ZNF320: variants seen among roughly 807,000 people sequenced by gnomAD.
ZNF320 encodes the protein zinc finger gene 320.
A neutral mutation model predicts 6.8 loss-of-function variants in ZNF320; 2 were observed. That is an observed-to-expected ratio of 0.29 (90% CI 0.12 to 0.93). ZNF320 has a LOEUF of 0.93. ZNF320 is among the 40% of genes least tolerant of loss of function. ZNF320 has a pLI of 0.55. For synonymous variants in ZNF320, 208 were observed against 203.2 expected (o/e 1.02, Z -0.20); for missense variants, 472 against 611.0 (o/e 0.77, Z 2.40).
chr19:52,878,134 A>AATATGTG lies in ZNF320; in HGVS notation c.*2461_*2462insCACATAT. 4.8e-6 allele frequency: 1 copy of AATATGTG among 209,220 alleles called. No individual in the cohort carries two copies. Among genetic ancestry groups the AATATGTG allele is most frequent in the South Asian group, 8.7e-5 (1 of 11,518 alleles). The allele number at this position is 209,220 out of a possible 1,614,324, so 13.0% of individuals were successfully genotyped here. ...AGCATGAATATGTGTGCCATCTCAT[A>AATATGTG]TGCAATTCCTTATAGATCCAGCTTG... On this transcript the variant is annotated 3_prime_UTR_variant, in exon 6 of 6. Coordinates refer to ENST00000682928, the MANE Select transcript of ZNF320 (RefSeq NM_001351774.2).
At chr19:52,862,222 G>A in exon 6 of ZNF320, 1 of 569,854 alleles carries the variant, frequency 1.8e-6, no homozygotes, top group Middle Eastern at 3.2e-4. Context: ...TGGTGAGTAA[G>A]TGGTGATTGC....
Position 52,880,659 on chromosome 19 carries a change from T to C in ZNF320, c.1467A>G (p.Lys489=). Residue 489 remains lysine, a synonymous_variant, in exon 6 of 6, where the codon AAA becomes AAG. Coordinates refer to ENST00000682928, the MANE Select transcript of ZNF320 (RefSeq NM_001351774.2). ...TGAAACAATTGTCTCCAAAAGGAAT[T>C]TTCTGATGTTCTGCAAGGAGTGACC... ...SLRSLLAEHQ[K]IPFGDNCFKC... 6.2e-7 allele frequency: 1 copy of C among 1,613,498 alleles called. No individual in the cohort carries two copies. The highest frequency in any genetic ancestry group is 8.5e-7 in the Non-Finnish European group (1 of 1,179,718).
At position 52,867,760 on chromosome 19, in the gene ZNF320, T is replaced by G. The variant is rs1398412901; in HGVS notation, c.224-3601A>C. 3.9e-5 allele frequency among the ~76,000 whole-genome samples: 6 copies of G among 152,150 alleles called. 1 individual carries two copies. Among genetic ancestry groups the G allele is most frequent in the Admixed American group, 3.3e-4 (5 of 15,276 alleles). On this transcript the variant is annotated intron_variant, in intron 5 of 5. Coordinates refer to the ZNF320 transcript ENST00000673631. ...CCGTGTAGCTGGGATTTCAGGCATG[T>G]GCCACCACACCCAGCTAATTTTTGT...
At chr19:52,862,792 GGT>G in exon 6 of ZNF320, 1 of 352,054 alleles carries the variant, frequency 2.8e-6, no homozygotes. Context: ...TGCATTGCAA[GGT>G]GTGATCTGCA....
chr19:52,875,547 CCT>C (rs2063751175), downstream of ZNF320, among the ~76,000 whole-genome samples: 1 of 152,080 alleles, frequency 6.6e-6, no homozygotes, highest in African/African-American at 2.4e-5. Flanking sequence ...TGAGCAGTAC[CCT>C]CTCCTAAAGG....
At chr19:52,873,225 A>C (rs2063711406), downstream of ZNF320, among the ~76,000 whole-genome samples, 2 of 152,170 alleles carry the variant, frequency 1.3e-5, no homozygotes, top group South Asian at 4.1e-4. Flanking sequence ...GGGACCTGTA[A>C]GGTCTTTCCC....
At position 52,876,561 on chromosome 19, in the gene ZNF320, G is replaced by A. The variant is rs567190195; in HGVS notation, c.*4035C>T. The A allele has an allele frequency of 6.6e-6, 1 of 152,096 alleles. No homozygotes were observed. The highest frequency in any genetic ancestry group is 1.5e-5 in the Non-Finnish European group (1 of 68,010). The allele number at this position is 152,096 out of a possible 1,614,324, so 9.4% of individuals were successfully genotyped here. A position where few individuals can be genotyped will look rare whatever the true frequency, so the allele number is the denominator to read the frequency against. On this transcript the variant is annotated 3_prime_UTR_variant, in exon 6 of 6. Coordinates refer to ENST00000682928, the MANE Select transcript of ZNF320 (RefSeq NM_001351774.2). ...TTGCCCAGCCAGAGTGCAGTTGCAG[G>A]ATCTCAGCTCACTGCAACCTCCGCC...
intron 5 of ZNF320, among the ~76,000 whole-genome samples, chr19:52,866,083 CAT>C (rs1197793112): frequency 4.6e-5 from 3 of 65,028 alleles, no homozygotes; most frequent in African/African-American, 1.5e-4. Flanking sequence ...TATGATTATA[CAT>C]ATATTTATAT....
Position 52,894,234 on chromosome 19 carries a change from G to C in ZNF320, c.-269-378C>G, listed in dbSNP as rs1392963692. Reference sequence around the variant, plus strand: ...ACCTTGTCTCTACTAAAAATACAAAGATTAGCTGGGTGTGGTGGCTGGCTC... The same window carrying C: ...ACCTTGTCTCTACTAAAAATACAAACATTAGCTGGGTGTGGTGGCTGGCTC... On this transcript the variant is annotated intron_variant, in intron 1 of 5. Coordinates refer to ENST00000682928, the MANE Select transcript of ZNF320 (RefSeq NM_001351774.2). 5 of 151,898 alleles carry C rather than the reference G, an allele frequency of 3.3e-5. No individual in the cohort carries two copies. In the East Asian group the frequency reaches 7.8e-4, roughly 24 times the overall value. The allele number at this position is 151,898 out of a possible 1,614,324, so 9.4% of individuals were successfully genotyped here.
At chr19:52,873,373 C>T (rs1251732813), downstream of ZNF320, among the ~76,000 whole-genome samples, 1 of 152,204 alleles carries the variant, frequency 6.6e-6, no homozygotes, top group East Asian at 1.9e-4. Context: ...AATGGCGATG[C>T]CTTTCACAAA....
At chr19:52,890,208 A>G in intron 4 of ZNF320, 33 bp downstream of exon 4, 1 of 1,606,170 alleles carries the variant, frequency 6.2e-7, no homozygotes, top group Non-Finnish European at 8.5e-7. Context: ...GAAAGGAAGG[A>G]GACAGAACAA....
At chr19:52,875,542 A>C (rs2063750902), downstream of ZNF320, among the ~76,000 whole-genome samples, 1 of 152,206 alleles carries the variant, frequency 6.6e-6, no homozygotes, top group Non-Finnish European at 1.5e-5. Flanking sequence ...ACATCTGAGC[A>C]GTACCCTCTC....
At chr19:52,867,345 G>A (rs991135473) in intron 5 of ZNF320, among the ~76,000 whole-genome samples, 2 of 151,826 alleles carry the variant, frequency 1.3e-5, no homozygotes, top group African/African-American at 2.4e-5. Flanking sequence ...TTACCGGTAC[G>A]TGCCACCACC....
rs1568710582 is a variant in ZNF320, at chr19:52,880,553, TAAG to T, written c.*40_*42del. On this transcript the variant is annotated 3_prime_UTR_variant, in exon 6 of 6. Coordinates refer to ENST00000682928, the MANE Select transcript of ZNF320 (RefSeq NM_001351774.2). ...GTCGATTAATGCTTGAAATCAATGT[TAAG>T]TCAACTCAAACTCAGGTCAATGCTG... The T allele has an allele frequency of 6.5e-7, 1 of 1,533,916 alleles. No homozygotes were observed. The highest frequency in any genetic ancestry group is 1.4e-5 in the African/African-American group (1 of 72,624).
chr19:52,887,002 G>GAAGA (rs776616048), intron 5 of ZNF320, among the ~76,000 whole-genome samples: 4 of 78,604 alleles, frequency 5.1e-5, no homozygotes, highest in Non-Finnish European at 1.2e-4. Flanking sequence ...AGGAAGGAAG[G>GAAGA]AAGGAAAAGA....
Position 52,888,148 on chromosome 19 carries a change from A to G in ZNF320, c.121T>C (p.Tyr41His). The stretch of plus-strand genomic sequence containing the variant: ...TCACCCAGGGAGACCAGGTTCCTAT[A>G]ATTCTCCAGCATCACGTCTCTGTAT... ...TLYRDVMLEN[Y>H]RNLVSLDISS... The change falls in exon 5 of 6, where the codon TAT becomes CAT. Residue 41 changes from tyrosine (Y) to histidine (H), a missense_variant. Coordinates refer to ENST00000682928, the MANE Select transcript of ZNF320 (RefSeq NM_001351774.2). 6.3e-7 allele frequency: 1 copy of G among 1,579,660 alleles called. No individual in the cohort carries two copies. The highest frequency in any genetic ancestry group is 8.6e-7 in the Non-Finnish European group (1 of 1,169,528).
chr19:52,899,337 A>G (rs2064557151), upstream of ZNF320, among the ~76,000 whole-genome samples: 1 of 152,194 alleles, frequency 6.6e-6, no homozygotes, highest in Admixed American at 6.5e-5. Context: ...ATTTTTAACT[A>G]TGTCTTCAAC....
At chr19:52,860,513 C>T (rs2063481214), downstream of ZNF320, among the ~76,000 whole-genome samples, 1 of 148,422 alleles carries the variant, frequency 6.7e-6, no homozygotes, top group Non-Finnish European at 1.5e-5. Context: ...GAAGTAGAAT[C>T]GCTTGAACTT....
chr19:52,898,170 A>T (rs1450989801), upstream of ZNF320, among the ~76,000 whole-genome samples: 1 of 152,218 alleles, frequency 6.6e-6, no homozygotes, highest in Non-Finnish European at 1.5e-5. Context: ...CTGACGGCCC[A>T]CAGAACAGAA....
Sources: gnomAD v4.1 joint callset for allele counts (sites outside exome capture counted in the v4.1 genomes callset) on GRCh38, gnomAD v4.1.1 for gene constraint, MANE v1.5 for transcripts, NCBI Gene and HGNC (gene_info 2026-07-23, HGNC 2026-07-21) for gene names.